CMTM7: variants seen among roughly 807,000 people sequenced by gnomAD.
The protein encoded by CMTM7 is CKLF like MARVEL transmembrane domain containing 7.
CMTM7 carries 7 observed loss-of-function variants against 19.3 expected under a neutral mutation model. That is an observed-to-expected ratio of 0.36 (90% confidence interval 0.21 to 0.68). The LOEUF (loss-of-function observed/expected upper bound fraction) is 0.68. Ranked by LOEUF, CMTM7 falls within the 30% of genes least tolerant of loss-of-function variation. The pLI is 0.60. For missense variants in CMTM7, 193 were observed against 232.6 expected (o/e 0.83, Z 1.11); for synonymous variants, 87 against 99.3 (o/e 0.88, Z 0.74).
chr3:32,430,868 T>C (rs1696508524), intron 1 of CMTM7, among the ~76,000 whole-genome samples: 2 of 152,182 alleles, frequency 1.3e-5, no homozygotes, highest in South Asian at 4.1e-4. Context: ...TACTCACCTC[T>C]CCTCTAGACA....
chr3:32,429,970 G>C (rs944838210), intron 1 of CMTM7, among the ~76,000 whole-genome samples: 1 of 152,194 alleles, frequency 6.6e-6, no homozygotes, highest in Admixed American at 6.5e-5. Context: ...GAATAGCACA[G>C]TGAACACTTG....
At position 32,402,785 on chromosome 3, in the gene CMTM7, G is replaced by C. The variant is rs1274538982; in HGVS notation, c.159+10720G>C. ...TTCACCATGTGGCCAGGCTGGTATC[G>C]AACTCCTGACCTTGTGTTCCGCCCA... is the stretch of plus-strand genomic sequence containing the variant. On this transcript the variant is annotated intron_variant, in intron 1 of 4. Coordinates refer to ENST00000334983, the MANE Select transcript of CMTM7 (RefSeq NM_138410.4). Among the ~76,000 whole-genome samples the C allele has an allele frequency of 2.0e-5, 3 of 151,886 alleles. No individual in the cohort carries two copies. In the East Asian group the frequency reaches 5.9e-4, roughly 30 times the overall value.
chr3:32,399,554 A>G (rs1020923892), intron 1 of CMTM7, among the ~76,000 whole-genome samples: 2 of 152,170 alleles, frequency 1.3e-5, no homozygotes, highest in Non-Finnish European at 2.9e-5. Context: ...TTAGGTGCCA[A>G]GTGGAATTCA....
At chr3:32,440,568 A>G (rs916388052) in intron 1 of CMTM7, among the ~76,000 whole-genome samples, 3 of 152,222 alleles carry the variant, frequency 2.0e-5, no homozygotes, top group Non-Finnish European at 2.9e-5. Context: ...GCTTGAGCTC[A>G]GGAGTTTGAA....
intron 1 of CMTM7, among the ~76,000 whole-genome samples, chr3:32,408,716 T>TA (rs1401411770): frequency 5.3e-5 from 8 of 152,168 alleles, no homozygotes; most frequent in Admixed American, 3.9e-4. Flanking sequence ...AAATAAATCT[T>TA]ACTGCATCCT....
At chr3:32,436,453 A>G (rs560348675) in intron 1 of CMTM7, among the ~76,000 whole-genome samples, 2 of 152,166 alleles carry the variant, frequency 1.3e-5, no homozygotes, top group Non-Finnish European at 2.9e-5. Flanking sequence ...TTATGGGCCC[A>G]CTAACATTTA....
chr3:32,435,926 C>A (rs1209153801), intron 1 of CMTM7, among the ~76,000 whole-genome samples: 2 of 152,182 alleles, frequency 1.3e-5, no homozygotes, highest in African/African-American at 4.8e-5. Flanking sequence ...TACTAAATAT[C>A]ACTTCCCCTC....
chr3:32,432,627 T>C (rs1278673736), intron 1 of CMTM7, among the ~76,000 whole-genome samples: 2 of 152,192 alleles, frequency 1.3e-5, no homozygotes, highest in African/African-American at 4.8e-5. Context: ...AATCACTCAA[T>C]GTCTCTGTGT....
chr3:32,421,746 C>T (rs576290848), intron 1 of CMTM7, among the ~76,000 whole-genome samples: 2 of 152,316 alleles, frequency 1.3e-5, no homozygotes, highest in Non-Finnish European at 2.9e-5. Flanking sequence ...CATTTTTGTG[C>T]TACTTTGTGC....
chr3:32,421,810 T>A (rs1696348639), intron 1 of CMTM7, among the ~76,000 whole-genome samples: 1 of 152,202 alleles, frequency 6.6e-6, no homozygotes, highest in African/African-American at 2.4e-5. Context: ...CTGAAAGAAG[T>A]TTTAATACCT....
chr3:32,422,172 G>A (rs908017640), intron 1 of CMTM7, among the ~76,000 whole-genome samples: 4 of 152,168 alleles, frequency 2.6e-5, no homozygotes, highest in African/African-American at 4.8e-5. Context: ...TTTTTCATCC[G>A]TGACACATGC....
chr3:32,434,372 C>T (rs960319970), intron 1 of CMTM7, among the ~76,000 whole-genome samples: 5 of 152,280 alleles, frequency 3.3e-5, no homozygotes, highest in African/African-American at 4.8e-5. Flanking sequence ...TCACAGCTTA[C>T]TGCAACCTCT....
intron 1 of CMTM7, among the ~76,000 whole-genome samples, chr3:32,412,731 A>G (rs901329250): frequency 6.6e-6 from 1 of 152,138 alleles, no homozygotes; most frequent in African/African-American, 2.4e-5. Context: ...ACCATTCCAC[A>G]GTTTCTACAA....
Position 32,400,357 on chromosome 3 carries a change from A to G in CMTM7, c.159+8292A>G, listed in dbSNP as rs1166193465. On this transcript the variant is annotated intron_variant, in intron 1 of 4. Coordinates refer to ENST00000334983, the MANE Select transcript of CMTM7 (RefSeq NM_138410.4). Reference sequence around the variant, plus strand: ...CTTTAAACAAAACTAGGATGATTCTATACATATTTTGTAAATGCTTTTCTT... The same window carrying G: ...CTTTAAACAAAACTAGGATGATTCTGTACATATTTTGTAAATGCTTTTCTT... Among the ~76,000 whole-genome samples the G allele has an allele frequency of 4.1e-5, 6 of 147,072 alleles. No individual in the cohort carries two copies. The South Asian group carries it at 1.3e-3, about 32-fold the overall frequency.
chr3:32,442,017 A>G lies in CMTM7; in HGVS notation c.333+4A>G. On this transcript the variant is annotated splice_donor_region_variant and intron_variant, in intron 2 of 4. Transcript: ENST00000334983. ...CTGTATCAGCTGGCCCCTGTCGGTA[A>G]GAGAGTGGTCTGGCCCTGTCCTCCG... 1 of 1,613,884 alleles carries G rather than the reference A, an allele frequency of 6.2e-7. No individual in the cohort carries two copies. Among genetic ancestry groups the G allele is most frequent in the East Asian group, 2.2e-5 (1 of 44,884 alleles).
At chr3:32,453,270 G>A (rs888011044) in intron 4 of CMTM7, among the ~76,000 whole-genome samples, 4 of 151,866 alleles carry the variant, frequency 2.6e-5, no homozygotes, top group Admixed American at 1.3e-4. Context: ...GTCAGACTCC[G>A]TCTCTTAAAA....
At chr3:32,453,860 T>C (rs548153243) in intron 4 of CMTM7, among the ~76,000 whole-genome samples, 1 of 152,284 alleles carries the variant, frequency 6.6e-6, no homozygotes, top group South Asian at 2.1e-4. Context: ...AAAGAATGAT[T>C]TTTAAACGTA....
intron 1 of CMTM7, among the ~76,000 whole-genome samples, chr3:32,429,701 C>T (rs1183310057): frequency 3.4e-5 from 5 of 148,134 alleles, no homozygotes; most frequent in Admixed American, 6.7e-5. Context: ...CCCAGGTTGA[C>T]GCCATTCTCC....
intron 1 of CMTM7, among the ~76,000 whole-genome samples, chr3:32,426,225 G>T (rs1696430554): frequency 2.0e-5 from 3 of 152,132 alleles, no homozygotes; most frequent in Admixed American, 2.0e-4. Context: ...CTAAAACCCT[G>T]AGTTAAAACT....
Sources: allele counts gnomAD v4.1 joint callset (sites outside exome capture counted in the v4.1 genomes callset), GRCh38; gene constraint gnomAD v4.1.1; transcripts MANE v1.5; gene names NCBI Gene and HGNC (gene_info 2026-07-23, HGNC 2026-07-21).